R3HDM2: variants seen among roughly 807,000 people sequenced by gnomAD.
R3HDM2 encodes R3H domain-containing protein 2.
In R3HDM2, 38 loss-of-function variants were observed where a neutral mutation model predicts 124.5. The observed-to-expected ratio is 0.31, with a 90% CI of 0.24 to 0.40. The LOEUF (loss-of-function observed/expected upper bound fraction) is 0.40, where lower values mean the gene tolerates loss of function less well. Ranked by LOEUF, R3HDM2 falls within the 10% of genes least tolerant of loss-of-function variation. R3HDM2 has a pLI of 1.00. For synonymous variants in R3HDM2, 391 were observed against 448.0 expected (o/e 0.87, Z 1.61); for missense variants, 869 against 1,236.9 (o/e 0.70, Z 4.46).
chr12:57,274,826 A>G (rs1406237096), intron 14 of R3HDM2, among the ~76,000 whole-genome samples: 1 of 152,214 alleles, frequency 6.6e-6, no homozygotes, highest in Admixed American at 6.5e-5. Context: ...GATGATACAA[A>G]CAGATGGAAA....
chr12:57,331,843 C>T (rs955007203), intron 2 of R3HDM2, among the ~76,000 whole-genome samples: 10 of 150,668 alleles, frequency 6.6e-5, no homozygotes, highest in Admixed American at 2.0e-4. Context: ...GAACCCGGGA[C>T]GCGGAGCTTG....
rs551184515 is a variant in R3HDM2, at chr12:57,429,332, A to G, written c.-106+1388T>C. ...GAGTTCATCAGGCCTTCAAGAAAAA[A>G]GTTATCTTTTCTCTCAACTCTCTGG... On this transcript the variant is annotated intron_variant, in intron 1 of 23. Transcript: ENST00000402412. Among the ~76,000 whole-genome samples the G allele has an allele frequency of 9.2e-5, 14 of 152,372 alleles. No homozygotes were observed. In the South Asian group the frequency reaches 2.7e-3, roughly 29 times the overall value.
intron 3 of R3HDM2, among the ~76,000 whole-genome samples, chr12:57,307,768 G>A (rs988415082): frequency 6.6e-6 from 1 of 151,728 alleles, no homozygotes; most frequent in Non-Finnish European, 1.5e-5. Context: ...TGGGATTACA[G>A]GGACACGCCA....
intron 2 of R3HDM2, among the ~76,000 whole-genome samples, chr12:57,370,397 C>CGGGGAGG (rs2063178195): frequency 1.6e-5 from 1 of 62,676 alleles, no homozygotes; most frequent in African/African-American, 7.8e-5. Context: ...TTGGGAGGCC[C>CGGGGAGG]GGGGGGGGGG....
chr12:57,420,071 C>A (rs1263679645), intron 1 of R3HDM2, among the ~76,000 whole-genome samples: 2 of 152,146 alleles, frequency 1.3e-5, no homozygotes, highest in Non-Finnish European at 2.9e-5. Context: ...CCACCCCTTT[C>A]CTGACCTTTT....
intron 2 of R3HDM2, among the ~76,000 whole-genome samples, chr12:57,392,542 TG>T (rs1320293103): frequency 6.6e-6 from 1 of 152,166 alleles, no homozygotes; most frequent in Non-Finnish European, 1.5e-5. Context: ...GCCCAGGGAC[TG>T]GGGAACCCTG....
intron 14 of R3HDM2, 47 bp downstream of exon 14, chr12:57,280,311 T>C: frequency 6.4e-7 from 1 of 1,551,738 alleles, no homozygotes; most frequent in Non-Finnish European, 8.8e-7. Context: ...ATCTAAAGTT[T>C]GCTTGAATCA....
intron 2 of R3HDM2, among the ~76,000 whole-genome samples, chr12:57,321,236 T>C (rs964222698): frequency 2.6e-5 from 4 of 152,192 alleles, no homozygotes; most frequent in African/African-American, 7.2e-5. Context: ...TGGTCAACCA[T>C]AATATTCCAA....
Position 57,263,474 on chromosome 12 carries a change from CT to C in R3HDM2, c.2131+3256del, listed in dbSNP as rs11302126. Among the ~76,000 whole-genome samples, 1,012 of 151,412 alleles carry C rather than the reference CT, an allele frequency of 6.7e-3. 12 individuals carry two copies. Among genetic ancestry groups the C allele is most frequent in the African/African-American group, 0.023 (938 of 41,308 alleles). On this transcript the variant is annotated intron_variant, in intron 19 of 23. Coordinates refer to ENST00000402412, the MANE Select transcript of R3HDM2 (RefSeq NM_001394031.1). ...TGTATGAAGGCGGAAGTCATTGCTC[CT>C]TTTTTTTTGTTTTGAGACAGTCTCG... is the stretch of plus-strand genomic sequence containing the variant.
chr12:57,341,137 T>C (rs2059519789), intron 2 of R3HDM2: 1 of 152,284 alleles, frequency 6.6e-6, no homozygotes, highest in African/African-American at 2.4e-5. Context: ...TATTCATGGA[T>C]CCTGGTTCCA....
chr12:57,304,574 A>G, intron 3 of R3HDM2: 1 of 914,072 alleles, frequency 1.1e-6, no homozygotes, highest in Non-Finnish European at 1.3e-6. Context: ...GGGAAGGTGG[A>G]TGGAAAGAAT....
chr12:57,382,726 C>G (rs2065080387), intron 2 of R3HDM2, among the ~76,000 whole-genome samples: 1 of 151,598 alleles, frequency 6.6e-6, no homozygotes, highest in Non-Finnish European at 1.5e-5. Context: ...GTCCCAGCTA[C>G]TTGGGAGGCT....
chr12:57,258,222 C>T (rs941346156), intron 20 of R3HDM2, 85 bp from the exon 21 acceptor site: 17 of 1,244,704 alleles, frequency 1.4e-5, no homozygotes, highest in Non-Finnish European at 2.0e-6. Context: ...ATTCACCTCT[C>T]TCAGGAAATA....
chr12:57,295,706 C>T, intron 9 of R3HDM2, 199 bp from the exon 10 acceptor site: 1 of 539,008 alleles, frequency 1.9e-6, no homozygotes, highest in African/African-American at 1.9e-5. Context: ...TTCTCTTCCT[C>T]CATAGTTATA....
intron 2 of R3HDM2, 23 bp downstream of exon 2, chr12:57,395,726 C>T: frequency 1.1e-6 from 1 of 950,900 alleles, no homozygotes; most frequent in Non-Finnish European, 1.3e-6. Context: ...AGAAAGTGCT[C>T]CATAAATGTT....
chr12:57,355,275 G>A (rs1461172227), intron 2 of R3HDM2, among the ~76,000 whole-genome samples: 1 of 151,370 alleles, frequency 6.6e-6, no homozygotes, highest in Non-Finnish European at 1.5e-5. Flanking sequence ...GGCTAACACG[G>A]TGAAACCCCG....
At chr12:57,382,817 CAG>C (rs1410249874) in intron 2 of R3HDM2, among the ~76,000 whole-genome samples, 3 of 151,584 alleles carry the variant, frequency 2.0e-5, no homozygotes, top group African/African-American at 7.2e-5. Flanking sequence ...GCCTGGGCGA[CAG>C]AGAGAGACTC....
Position 57,295,512 on chromosome 12 carries a change from G to A in R3HDM2, c.702-5C>T, listed in dbSNP as rs1375703064. 6.5e-7 allele frequency: 1 copy of A among 1,543,774 alleles called. No homozygotes were observed. Among genetic ancestry groups the A allele is most frequent in the Non-Finnish European group, 8.8e-7 (1 of 1,140,132 alleles). On this transcript the variant is annotated splice_polypyrimidine_tract_variant and splice_region_variant and intron_variant, in intron 9 of 23. Coordinates refer to ENST00000402412, the MANE Select transcript of R3HDM2 (RefSeq NM_001394031.1). ...TCTGAGAACCTCTGTTCAGGGCTGAGATTTGGAGAGAAATGTGAAAGGAAA... is the reference window on the plus strand; with the variant it reads ...TCTGAGAACCTCTGTTCAGGGCTGAAATTTGGAGAGAAATGTGAAAGGAAA...
chr12:57,344,167 G>A (rs1315233334), intron 2 of R3HDM2, among the ~76,000 whole-genome samples: 11 of 152,060 alleles, frequency 7.2e-5, no homozygotes, highest in Admixed American at 6.6e-4. Flanking sequence ...ATCTCCTAAC[G>A]TTAAGGTCAT....
Sources: gnomAD v4.1 joint callset for allele counts (sites outside exome capture counted in the v4.1 genomes callset) on GRCh38, gnomAD v4.1.1 for gene constraint, MANE v1.5 for transcripts, NCBI Gene and HGNC (gene_info 2026-07-23, HGNC 2026-07-21) for gene names.